The following NKAIN2 variants were observed in gnomAD, a reference collection of about 807,000 sequenced individuals.
NKAIN2 encodes sodium/potassium transporting ATPase interacting 2, also known as sodium/potassium-transporting ATPase subunit beta-1-interacting protein 2.
In NKAIN2, 14 loss-of-function variants were observed where a neutral mutation model predicts 32.6. That is an observed-to-expected ratio of 0.43 (90% CI 0.28 to 0.67). The LOEUF (loss-of-function observed/expected upper bound fraction) is 0.67, where lower values mean the gene tolerates loss of function less well. NKAIN2 is among the 30% of genes least tolerant of loss of function. The pLI is 0.17. For missense variants in NKAIN2, 198 were observed against 258.3 expected (o/e 0.77, Z 1.60); for synonymous variants, 80 against 87.2 (o/e 0.92, Z 0.46).
chr6:124,138,466 G>A (rs931679942), intron 1 of NKAIN2, among the ~76,000 whole-genome samples: 4 of 151,848 alleles, frequency 2.6e-5, no homozygotes, highest in South Asian at 4.2e-4. Flanking sequence ...ACTACCATTC[G>A]ATCCGGCAAT....
At chr6:124,727,645 T>C (rs9491226) in intron 4 of NKAIN2, among the ~76,000 whole-genome samples, 86,749 of 149,692 alleles carry the variant, frequency 0.58, 25,660 homozygotes, top group East Asian at 0.71. Context: ...AGAAACTCCA[T>C]CAACTAACGA....
chr6:124,636,261 C>T (rs1408345345), intron 3 of NKAIN2, among the ~76,000 whole-genome samples: 2 of 151,368 alleles, frequency 1.3e-5, no homozygotes, highest in East Asian at 3.9e-4. Flanking sequence ...CATACAAAAA[C>T]CTATGGGTTA....
rs923985977 is a variant in NKAIN2, at chr6:124,824,950, C to T, written c.*1721C>T. 6.6e-6 allele frequency: 1 copy of T among 152,574 alleles called. No individual in the cohort carries two copies. Among genetic ancestry groups the T allele is most frequent in the African/African-American group, 2.4e-5 (1 of 41,440 alleles). The allele number at this position is 152,574 out of a possible 1,614,324, so 9.5% of individuals were successfully genotyped here. ...GGAACATAAACTATAAAAAAAGATTCCAGCACTCATGCTTGAATTTCCTCA... is the reference window on the plus strand; with the variant it reads ...GGAACATAAACTATAAAAAAAGATTTCAGCACTCATGCTTGAATTTCCTCA... On this transcript the variant is annotated 3_prime_UTR_variant, in exon 7 of 7. Transcript: ENST00000368417.
At chr6:123,963,394 A>G (rs1353490010) in intron 1 of NKAIN2, among the ~76,000 whole-genome samples, 2 of 152,148 alleles carry the variant, frequency 1.3e-5, no homozygotes, top group Non-Finnish European at 2.9e-5. Flanking sequence ...CGCCATTGGA[A>G]TGCTTCCCCT....
At chr6:124,544,879 T>C (rs1780038550) in intron 3 of NKAIN2, among the ~76,000 whole-genome samples, 1 of 152,190 alleles carries the variant, frequency 6.6e-6, no homozygotes, top group South Asian at 2.1e-4. Flanking sequence ...GAAAATTTTT[T>C]TGGGGATCTC....
At chr6:124,143,326 G>A (rs550788158) in intron 1 of NKAIN2, among the ~76,000 whole-genome samples, 2 of 152,094 alleles carry the variant, frequency 1.3e-5, no homozygotes, top group African/African-American at 2.4e-5. Context: ...AAGGCATAGT[G>A]TGCACACACC....
chr6:124,366,286 T>TA (rs1799514162), intron 3 of NKAIN2, among the ~76,000 whole-genome samples: 1 of 152,090 alleles, frequency 6.6e-6, no homozygotes, highest in African/African-American at 2.4e-5. Flanking sequence ...AATAACTCTA[T>TA]AGATGATTGG....
At chr6:124,128,182 C>A (rs1786276659) in intron 1 of NKAIN2, among the ~76,000 whole-genome samples, 1 of 152,042 alleles carries the variant, frequency 6.6e-6, no homozygotes, top group Non-Finnish European at 1.5e-5. Context: ...TCATTTTTCT[C>A]CTAACAAACC....
chr6:124,509,631 C>T (rs1273373718), intron 3 of NKAIN2, among the ~76,000 whole-genome samples: 1 of 152,174 alleles, frequency 6.6e-6, no homozygotes. Context: ...TATGCAAATA[C>T]CCACCCAGTA....
intron 3 of NKAIN2, among the ~76,000 whole-genome samples, chr6:124,506,129 C>G (rs1373930599): frequency 6.6e-6 from 1 of 151,322 alleles, no homozygotes; most frequent in Non-Finnish European, 1.5e-5. Flanking sequence ...TGCAGTGCGC[C>G]GAGATCACGC....
At chr6:124,435,257 A>G (rs1775388760) in intron 3 of NKAIN2, among the ~76,000 whole-genome samples, 1 of 152,138 alleles carries the variant, frequency 6.6e-6, no homozygotes, top group Non-Finnish European at 1.5e-5. Flanking sequence ...GGAAAGTCAG[A>G]GGCAAGACTG....
intron 3 of NKAIN2, among the ~76,000 whole-genome samples, chr6:124,375,379 A>AT (rs1330684842): frequency 1.4e-5 from 2 of 146,738 alleles, no homozygotes; most frequent in African/African-American, 4.9e-5. Context: ...GGTACTCACT[A>AT]TATATATATA....
chr6:124,437,354 A>G (rs760376832), intron 3 of NKAIN2, among the ~76,000 whole-genome samples: 7 of 152,202 alleles, frequency 4.6e-5, no homozygotes, highest in African/African-American at 1.7e-4. Context: ...CCTTTTAGTT[A>G]AGAACATTTG....
At chr6:124,440,828 A>T (rs1012927503) in intron 3 of NKAIN2, among the ~76,000 whole-genome samples, 3 of 152,052 alleles carry the variant, frequency 2.0e-5, no homozygotes, top group Non-Finnish European at 2.9e-5. Context: ...GAATCAAGAC[A>T]TGTAAATCTG....
intron 1 of NKAIN2, among the ~76,000 whole-genome samples, chr6:124,130,660 T>C (rs910425950): frequency 6.6e-6 from 1 of 151,926 alleles, no homozygotes; most frequent in African/African-American, 2.4e-5. Context: ...GTAAATCCAA[T>C]ACTTAAGATC....
At chr6:124,815,880 C>G (rs886781771) in intron 5 of NKAIN2, among the ~76,000 whole-genome samples, 1 of 152,118 alleles carries the variant, frequency 6.6e-6, no homozygotes, top group African/African-American at 2.4e-5. Context: ...ATCCAGGACT[C>G]TACACTCTCC....
At chr6:124,441,087 A>T (rs567886151) in intron 3 of NKAIN2, among the ~76,000 whole-genome samples, 36 of 152,252 alleles carry the variant, frequency 2.4e-4, no homozygotes, top group Middle Eastern at 3.4e-3. Flanking sequence ...CTATGTATAA[A>T]GCTGGAAGCT....
intron 5 of NKAIN2, among the ~76,000 whole-genome samples, chr6:124,813,833 C>T (rs1197665336): frequency 6.6e-6 from 1 of 152,092 alleles, no homozygotes; most frequent in African/African-American, 2.4e-5. Context: ...TTACTCTTTT[C>T]TAAATAATGC....
At chr6:124,708,337 T>C (rs866809653) in intron 4 of NKAIN2, among the ~76,000 whole-genome samples, 1 of 151,756 alleles carries the variant, frequency 6.6e-6, no homozygotes, top group Non-Finnish European at 1.5e-5. Flanking sequence ...TCTTTTTTGG[T>C]TCCATATGAA....
Sources: gnomAD v4.1 joint callset for allele counts (sites outside exome capture counted in the v4.1 genomes callset) on GRCh38, gnomAD v4.1.1 for gene constraint, MANE v1.5 for transcripts, NCBI Gene and HGNC (gene_info 2026-07-23, HGNC 2026-07-21) for gene names.